Variants in CCDC57 observed in about 807,000 individuals in gnomAD.
CCDC57 encodes the protein coiled-coil domain-containing protein 57.
Under a neutral mutation model 118.9 loss-of-function variants are expected in CCDC57, and 118 were observed. The observed-to-expected ratio is 0.99, with a 90% CI of 0.86 to 1.16. CCDC57 has a LOEUF of 1.16. CCDC57 is among the 50% of genes most tolerant of loss of function. CCDC57 has a pLI of 0.00. For synonymous variants in CCDC57, 527 were observed against 532.9 expected, an observed-to-expected ratio of 0.99 and a Z score of 0.15; for missense variants, 1,300 against 1,320.7, an observed-to-expected ratio of 0.98 and a Z score of 0.24.
chr17:82,136,926 A>C (rs2039274544), intron 16 of CCDC57, among the ~76,000 whole-genome samples: 1 of 152,026 alleles, frequency 6.6e-6, no homozygotes, highest in Non-Finnish European at 1.5e-5. Flanking sequence ...GGTTGAAAGA[A>C]AGCTAGTTTT....
intron 16 of CCDC57, among the ~76,000 whole-genome samples, chr17:82,139,785 C>T (rs117516615): frequency 0.044 from 6,674 of 152,172 alleles, 229 homozygotes; most frequent in Non-Finnish European, 0.062. Flanking sequence ...CTTCTGATGG[C>T]GGCATTTAGA....
intron 13 of CCDC57, among the ~76,000 whole-genome samples, chr17:82,168,447 C>T (rs936396695): frequency 6.6e-6 from 1 of 152,116 alleles, no homozygotes; most frequent in East Asian, 1.9e-4. Flanking sequence ...ATACAAACGC[C>T]ACCAGCTGGG....
At chr17:82,133,973 T>A in intron 17 of CCDC57, 100 bp downstream of exon 16, 1 of 1,166,090 alleles carries the variant, frequency 8.6e-7, no homozygotes, top group Non-Finnish European at 1.1e-6. Flanking sequence ...ATTGGAGGCT[T>A]TTTATATTGT....
intron 3 of CCDC57, among the ~76,000 whole-genome samples, chr17:82,199,019 A>G (rs552613414): frequency 1.3e-5 from 2 of 151,046 alleles, no homozygotes; most frequent in Non-Finnish European, 3.0e-5. Context: ...AGAAAAAGGA[A>G]AAAAAAGAAA....
chr17:82,130,020 G>A (rs1201961616), intron 17 of CCDC57, among the ~76,000 whole-genome samples: 1 of 152,002 alleles, frequency 6.6e-6, no homozygotes, highest in African/African-American at 2.4e-5. Flanking sequence ...AACATATTGA[G>A]ACCCCCTATC....
chr17:82,196,232 C>CCT (rs1416320257), intron 4 of CCDC57, among the ~76,000 whole-genome samples: 1 of 152,250 alleles, frequency 6.6e-6, no homozygotes, highest in Non-Finnish European at 1.5e-5. Flanking sequence ...GACTTTGGAG[C>CCT]CACTTGAGGA....
chr17:82,158,927 G>A (rs66932937), intron 14 of CCDC57, among the ~76,000 whole-genome samples: 70,902 of 151,590 alleles, frequency 0.47, 17,368 homozygotes, highest in East Asian at 0.88. Context: ...ATCGTGGCTC[G>A]CCGCAGCCTC....
At chr17:82,128,107 C>T (rs146334552) in intron 18 of CCDC57, among the ~76,000 whole-genome samples, 199 bp from the exon 18 acceptor site, 2 of 152,228 alleles carry the variant, frequency 1.3e-5, no homozygotes, top group East Asian at 1.9e-4. Flanking sequence ...GCGCTGGGAA[C>T]GCTGAGTGTG....
chr17:82,188,173 GC>G (rs1363413269), intron 8 of CCDC57, 45 bp downstream of exon 7: 1 of 1,481,336 alleles, frequency 6.8e-7, no homozygotes, highest in East Asian at 2.5e-5. Flanking sequence ...CACAGCCACG[GC>G]CGTCCCTGCC....
chr17:82,201,833 C>G, exon 3 of CCDC57: 1 of 1,613,650 alleles, frequency 6.2e-7, no homozygotes. Context: ...CTCCGTGTGT[C>G]CTGCAGAGCC....
chr17:82,107,766 C>T (rs192170116), intron 19 of CCDC57: 14 of 374,036 alleles, frequency 3.7e-5, no homozygotes, highest in African/African-American at 6.3e-5. Flanking sequence ...CGTGGACCGG[C>T]GTCCACCTGA....
chr17:82,105,957 G>A (rs2034815951), intron 19 of CCDC57, among the ~76,000 whole-genome samples: 1 of 152,234 alleles, frequency 6.6e-6, no homozygotes, highest in East Asian at 1.9e-4. Flanking sequence ...CCCGCCTGCT[G>A]GCCTTTGGAG....
intron 19 of CCDC57, among the ~76,000 whole-genome samples, chr17:82,104,629 C>T (rs2034709717): frequency 1.3e-5 from 2 of 152,268 alleles, no homozygotes; most frequent in African/African-American, 2.4e-5. Context: ...AGCTCCGCCT[C>T]CCGGGTTCAC....
At chr17:82,124,663 G>T (rs1175053768) in intron 19 of CCDC57, among the ~76,000 whole-genome samples, 3 of 152,020 alleles carry the variant, frequency 2.0e-5, no homozygotes, top group Non-Finnish European at 4.4e-5. Flanking sequence ...GAGCGTGGTG[G>T]CGTGTCCCTG....
chr17:82,211,354 G>A (rs139562024), intron 1 of CCDC57, among the ~76,000 whole-genome samples: 93 of 152,272 alleles, frequency 6.1e-4, no homozygotes, highest in Non-Finnish European at 1.2e-3. Context: ...CCACGGTAAA[G>A]TCATCCATGA....
chr17:82,212,009 G>A lies in CCDC57; in HGVS notation c.-211+776C>T, dbSNP rs1423797298. ...CTGCTTCTGTAAAAAAATCGCTTCA[G>A]CTAGCCTCCCCTCCTCTATTTAGAC... On this transcript the variant is annotated intron_variant, in intron 1 of 19. Coordinates refer to ENST00000665763, the Ensembl canonical transcript of CCDC57. The surrounding 1 kb of genome is among the most constrained non-coding windows in gnomAD (Gnocchi z 4.1). Among the ~76,000 whole-genome samples the A allele has an allele frequency of 6.6e-6, 1 of 152,104 alleles. No homozygotes were observed. Among genetic ancestry groups the A allele is most frequent in the African/African-American group, 2.4e-5 (1 of 41,410 alleles).
intron 9 of CCDC57, among the ~76,000 whole-genome samples, chr17:82,182,605 T>C (rs983898799): frequency 6.6e-6 from 1 of 151,772 alleles, no homozygotes; most frequent in Admixed American, 6.6e-5. Context: ...CTGCCAGCCT[T>C]GGCCTCCCAA....
chr17:82,142,163 C>T (rs1218279119), intron 16 of CCDC57, among the ~76,000 whole-genome samples: 1 of 152,190 alleles, frequency 6.6e-6, no homozygotes, highest in Admixed American at 6.5e-5. Context: ...CCACATTTTA[C>T]TTCTTTCTGA....
chr17:82,201,782 C>T, exon 3 of CCDC57: 1 of 1,613,662 alleles, frequency 6.2e-7, no homozygotes, highest in Non-Finnish European at 8.5e-7. Context: ...ACAAAGTCCT[C>T]CTGCAGGCAC....
Sources: allele counts gnomAD v4.1 joint callset (sites outside exome capture counted in the v4.1 genomes callset), GRCh38; gene constraint gnomAD v4.1.1; non-coding constraint Gnocchi (gnomAD v3.1); transcripts MANE v1.5; gene names NCBI Gene and HGNC (gene_info 2026-07-23, HGNC 2026-07-21).